The following ROR2 variants were observed in gnomAD, a reference collection of about 807,000 sequenced individuals.
The protein encoded by ROR2 is ROR family WNT receptor 2.
In ROR2, 33 loss-of-function variants were observed where a neutral mutation model predicts 74.9. The observed-to-expected ratio is 0.44, with a 90% CI of 0.33 to 0.59. The LOEUF (loss-of-function observed/expected upper bound fraction) is 0.59. Among genes scored for constraint, ROR2 ranks in the 20% least tolerant of loss-of-function variants. The pLI, the probability that ROR2 is intolerant of heterozygous loss-of-function variation, is 0.02. For synonymous variants in ROR2, 586 were observed against 558.7 expected, an observed-to-expected ratio of 1.05 and a Z score of -0.69; for missense variants, 1,216 against 1,313.8, an observed-to-expected ratio of 0.93 and a Z score of 1.15.
chr9:91,938,769 A>G (rs1831770537), intron 1 of ROR2, among the ~76,000 whole-genome samples: 1 of 152,142 alleles, frequency 6.6e-6, no homozygotes, highest in Non-Finnish European at 1.5e-5. Flanking sequence ...ATCTTCCTCT[A>G]TTTGCATCAG....
chr9:91,819,825 T>C (rs1828084921), intron 1 of ROR2, among the ~76,000 whole-genome samples: 1 of 152,092 alleles, frequency 6.6e-6, no homozygotes, highest in Admixed American at 6.5e-5. Context: ...TTGTCTGTCT[T>C]TGAATGTCAT....
chr9:91,794,841 G>C (rs1827116165), intron 1 of ROR2, among the ~76,000 whole-genome samples: 1 of 151,956 alleles, frequency 6.6e-6, no homozygotes. Context: ...TGTATTATAG[G>C]CCAGGCGCAG....
chr9:91,790,216 C>G (rs1826925419), intron 1 of ROR2, among the ~76,000 whole-genome samples: 1 of 152,006 alleles, frequency 6.6e-6, no homozygotes, highest in African/African-American at 2.4e-5. Context: ...AAAAGTACAG[C>G]ACAGGCCGGG....
intron 1 of ROR2, among the ~76,000 whole-genome samples, chr9:91,796,246 A>C (rs1402230674): frequency 6.6e-6 from 1 of 152,006 alleles, no homozygotes; most frequent in East Asian, 2.0e-4. Context: ...GTTTGAGACC[A>C]GCTTGGGCAA....
At chr9:91,874,627 C>T (rs796651262) in intron 1 of ROR2, among the ~76,000 whole-genome samples, 21 of 152,258 alleles carry the variant, frequency 1.4e-4, no homozygotes, top group African/African-American at 5.1e-4. Context: ...AAACTGAAAA[C>T]TCTGTACTAT....
At chr9:91,912,820 T>C (rs926824517) in intron 1 of ROR2, among the ~76,000 whole-genome samples, 1 of 152,126 alleles carries the variant, frequency 6.6e-6, no homozygotes, top group South Asian at 2.1e-4. Context: ...TAAAAATGGA[T>C]AGGAATACTT....
intron 1 of ROR2, among the ~76,000 whole-genome samples, chr9:91,917,169 G>C (rs147048332): frequency 6.6e-6 from 1 of 152,102 alleles, no homozygotes; most frequent in Admixed American, 6.5e-5. Context: ...TTTTTGGTCT[G>C]GCATGAATTT....
intron 1 of ROR2, among the ~76,000 whole-genome samples, chr9:91,792,303 C>CTTTTTTTTTTTTTTTTTTTT (rs1358505448): frequency 1.4e-5 from 2 of 142,332 alleles, no homozygotes; most frequent in African/African-American, 2.7e-5. Context: ...AAAGTTGGTT[C>CTTTTTTTTTTTTTTTTTTTT]TATTTTTTTT....
chr9:91,932,392 GA>G (rs1831569342), intron 1 of ROR2, among the ~76,000 whole-genome samples: 1 of 151,446 alleles, frequency 6.6e-6, no homozygotes, highest in African/African-American at 2.4e-5. Flanking sequence ...AGAACGTGAG[GA>G]AAAAAACACG....
intron 1 of ROR2, among the ~76,000 whole-genome samples, chr9:91,860,670 G>A (rs541244998): frequency 6.6e-6 from 1 of 152,308 alleles, no homozygotes; most frequent in African/African-American, 2.4e-5. Flanking sequence ...GGAAGGCCTG[G>A]AGTACTAACG....
rs1162803190 is a variant in ROR2, at chr9:91,733,123, G to A, written c.936C>T (p.Arg312=). The stretch of plus-strand genomic sequence containing the variant: ...CGCCCCGGGCCCTCGGGCACTCACA[G>A]CGGCCCAGCCTCTCGGCTGGGATGC... ...RIGIPAERLG[R]YHQCYNGSGM... is the part of the protein sequence containing the mutation. The change falls in exon 6 of 9, where the codon CGC becomes CGT. Residue 312 remains arginine (R), a splice_region_variant and synonymous_variant. Coordinates refer to ENST00000375708, the MANE Select transcript of ROR2 (RefSeq NM_004560.4). This position sits in a 1 kb window ranked among gnomAD's most constrained non-coding sequence, Gnocchi z 5.7. 1.9e-6 allele frequency: 3 copies of A among 1,591,284 alleles called. No homozygotes were observed. The highest frequency in any genetic ancestry group is 8.5e-7 in the Non-Finnish European group (1 of 1,171,012).
At chr9:91,772,673 G>C (rs954513829) in intron 2 of ROR2, among the ~76,000 whole-genome samples, 24 of 152,156 alleles carry the variant, frequency 1.6e-4, no homozygotes, top group African/African-American at 5.1e-4. Context: ...TCTGTGCTCT[G>C]GACAGGTCCG....
intron 1 of ROR2, among the ~76,000 whole-genome samples, chr9:91,869,316 C>G (rs987161546): frequency 6.6e-6 from 1 of 152,142 alleles, no homozygotes; most frequent in African/African-American, 2.4e-5. Flanking sequence ...CTCAGCCTCT[C>G]AAGTCACCAG....
chr9:91,840,139 C>T (rs771065162), intron 1 of ROR2, among the ~76,000 whole-genome samples: 7 of 152,110 alleles, frequency 4.6e-5, no homozygotes, highest in Non-Finnish European at 1.0e-4. Flanking sequence ...CTCCCGAGGC[C>T]CCGCTGTCCT....
chr9:91,737,844 TACATGC>T (rs1304644882), intron 4 of ROR2, among the ~76,000 whole-genome samples: 2 of 152,136 alleles, frequency 1.3e-5, no homozygotes, highest in Non-Finnish European at 2.9e-5. Flanking sequence ...AGAGGAAACT[TACATGC>T]ATATTACTAG....
At chr9:91,817,221 G>A (rs1244050457) in intron 1 of ROR2, among the ~76,000 whole-genome samples, 1 of 152,186 alleles carries the variant, frequency 6.6e-6, no homozygotes, top group Non-Finnish European at 1.5e-5. Flanking sequence ...AAATAGAGTC[G>A]AGAAGGAAGG....
intron 1 of ROR2, among the ~76,000 whole-genome samples, chr9:91,897,079 C>T (rs1178072229): frequency 6.6e-6 from 1 of 152,228 alleles, no homozygotes; most frequent in African/African-American, 2.4e-5. Context: ...CAGCTGGATG[C>T]ACACGTAGAC....
At chr9:91,949,381 C>T (rs1294913772) in intron 1 of ROR2, among the ~76,000 whole-genome samples, 2 of 151,734 alleles carry the variant, frequency 1.3e-5, no homozygotes. Context: ...CACGTCCACC[C>T]CAGGATTCTG....
chr9:91,895,021 A>T (rs993054591), intron 1 of ROR2, among the ~76,000 whole-genome samples: 1 of 152,270 alleles, frequency 6.6e-6, no homozygotes, highest in South Asian at 2.1e-4. Flanking sequence ...TTGGAAGCAG[A>T]TGTCCTTCAG....
Sources: allele counts gnomAD v4.1 joint callset (sites outside exome capture counted in the v4.1 genomes callset), GRCh38; gene constraint gnomAD v4.1.1; non-coding constraint Gnocchi (gnomAD v3.1); transcripts MANE v1.5; gene names NCBI Gene and HGNC (gene_info 2026-07-23, HGNC 2026-07-21).